AGBL4: variants seen among roughly 807,000 people sequenced by gnomAD.
The protein encoded by AGBL4 is AGBL carboxypeptidase 4.
AGBL4 carries 58 observed loss-of-function variants against 66.4 expected under a neutral mutation model. The observed-to-expected ratio is 0.87, with a 90% confidence interval of 0.71 to 1.09. The LOEUF (loss-of-function observed/expected upper bound fraction) is 1.09, where lower values mean the gene tolerates loss of function less well. Ranked by LOEUF, AGBL4 falls within the 50% of genes least tolerant of loss-of-function variation. The pLI, the probability that AGBL4 is intolerant of heterozygous loss-of-function variation, is 0.00. For missense variants in AGBL4, 579 were observed against 631.0 expected (o/e 0.92, Z 0.88); for synonymous variants, 234 against 222.9 (o/e 1.05, Z -0.44).
chr1:48,850,017 G>GATATTTGTCT (rs1646999181), intron 6 of AGBL4, among the ~76,000 whole-genome samples: 1 of 152,100 alleles, frequency 6.6e-6, no homozygotes, highest in Non-Finnish European at 1.5e-5. Flanking sequence ...AACAGTTTTT[G>GATATTTGTCT]ATATTTGTCT....
At chr1:49,741,509 C>T (rs1163406611) in intron 2 of AGBL4, among the ~76,000 whole-genome samples, 4 of 152,162 alleles carry the variant, frequency 2.6e-5, no homozygotes, top group Non-Finnish European at 5.9e-5. Flanking sequence ...GAAACTATTC[C>T]AATCAATAGA....
chr1:48,848,321 AT>A (rs1288015495), intron 6 of AGBL4, among the ~76,000 whole-genome samples: 1 of 152,128 alleles, frequency 6.6e-6, no homozygotes, highest in Non-Finnish European at 1.5e-5. Context: ...TAAATGACAT[AT>A]TTTTGCCACT....
chr1:49,179,666 C>G (rs1334942171), intron 4 of AGBL4, among the ~76,000 whole-genome samples: 1 of 151,760 alleles, frequency 6.6e-6, no homozygotes, highest in East Asian at 1.9e-4. Context: ...CAAGACAATA[C>G]TAGATAGACT....
At chr1:49,449,350 G>A (rs1205346117) in intron 3 of AGBL4, among the ~76,000 whole-genome samples, 2 of 151,986 alleles carry the variant, frequency 1.3e-5, no homozygotes, top group Non-Finnish European at 2.9e-5. Context: ...AGTGATATCT[G>A]ACATATAATT....
At chr1:49,837,026 T>C (rs971129484) in intron 2 of AGBL4, among the ~76,000 whole-genome samples, 2 of 152,302 alleles carry the variant, frequency 1.3e-5, no homozygotes, top group South Asian at 2.1e-4. Flanking sequence ...TCAGGAGTCA[T>C]GGGTGTCAGG....
chr1:49,972,429 A>G (rs943174748), intron 1 of AGBL4, among the ~76,000 whole-genome samples: 4 of 152,006 alleles, frequency 2.6e-5, no homozygotes, highest in African/African-American at 9.7e-5. Flanking sequence ...GGTATTTGAT[A>G]TTTTGTTTTC....
chr1:49,334,476 A>G (rs1284657258), intron 3 of AGBL4, among the ~76,000 whole-genome samples: 1 of 152,252 alleles, frequency 6.6e-6, no homozygotes, highest in Non-Finnish European at 1.5e-5. Flanking sequence ...AATCATTATT[A>G]TTAATGATAG....
chr1:49,940,497 T>C (rs947500813), intron 1 of AGBL4, among the ~76,000 whole-genome samples: 1 of 152,238 alleles, frequency 6.6e-6, no homozygotes, highest in Admixed American at 6.5e-5. Context: ...GTGGCACATA[T>C]ACACCATGGA....
chr1:48,940,297 GA>G (rs2148914245), intron 5 of AGBL4, among the ~76,000 whole-genome samples: 1 of 152,262 alleles, frequency 6.6e-6, no homozygotes, highest in Non-Finnish European at 1.5e-5. Context: ...AGAATTGCTT[GA>G]ACCCAGGAGG....
At chr1:48,984,973 A>C (rs1452086012) in intron 5 of AGBL4, among the ~76,000 whole-genome samples, 1 of 152,108 alleles carries the variant, frequency 6.6e-6, no homozygotes, top group Non-Finnish European at 1.5e-5. Flanking sequence ...AGTTTCCAGC[A>C]AGAGGGACTT....
At chr1:48,892,700 C>T (rs1444112098) in intron 5 of AGBL4, among the ~76,000 whole-genome samples, 2 of 152,178 alleles carry the variant, frequency 1.3e-5, no homozygotes, top group South Asian at 2.1e-4. Flanking sequence ...ACACATTTAT[C>T]TCAGTGAGCA....
At chr1:49,482,586 T>G (rs1186788260) in intron 3 of AGBL4, among the ~76,000 whole-genome samples, 1 of 151,860 alleles carries the variant, frequency 6.6e-6, no homozygotes, top group Non-Finnish European at 1.5e-5. Context: ...ATTTCTGGAT[T>G]CTTTGATGTT....
chr1:49,384,348 T>G (rs1344298213), intron 3 of AGBL4, among the ~76,000 whole-genome samples: 1 of 151,740 alleles, frequency 6.6e-6, no homozygotes, highest in African/African-American at 2.4e-5. Context: ...AATCCCAGCA[T>G]TTTGGGAGGT....
chr1:49,645,843 T>G (rs1389136831), intron 3 of AGBL4, among the ~76,000 whole-genome samples: 1 of 149,926 alleles, frequency 6.7e-6, no homozygotes, highest in African/African-American at 2.4e-5. Flanking sequence ...TGGCTAAGTA[T>G]GGAATGCAAA....
chr1:49,296,172 T>A (rs1169626779), intron 3 of AGBL4, among the ~76,000 whole-genome samples: 4 of 152,232 alleles, frequency 2.6e-5, no homozygotes, highest in Admixed American at 6.5e-5. Flanking sequence ...TTAGGCATTC[T>A]GGGTTTATCA....
At chr1:48,865,806 T>C (rs945015523) in intron 6 of AGBL4, among the ~76,000 whole-genome samples, 5 of 152,130 alleles carry the variant, frequency 3.3e-5, no homozygotes, top group Non-Finnish European at 7.4e-5. Flanking sequence ...GGACAGTGTA[T>C]TGTGGAGTAG....
chr1:48,805,511 A>G (rs1645903049), intron 6 of AGBL4, among the ~76,000 whole-genome samples: 1 of 152,152 alleles, frequency 6.6e-6, no homozygotes, highest in Non-Finnish European at 1.5e-5. Flanking sequence ...ATCATTTCCT[A>G]AGATTTCATA....
At chr1:49,805,026 T>C (rs901783051) in intron 2 of AGBL4, among the ~76,000 whole-genome samples, 1 of 152,122 alleles carries the variant, frequency 6.6e-6, no homozygotes, top group Admixed American at 6.6e-5. Flanking sequence ...TTAGATGAGA[T>C]AACCAAAGGG....
At chr1:49,191,961 C>A (rs1200306536) in intron 4 of AGBL4, among the ~76,000 whole-genome samples, 1 of 152,128 alleles carries the variant, frequency 6.6e-6, no homozygotes, top group Non-Finnish European at 1.5e-5. Context: ...AATTTACTTT[C>A]CTTTCATTAT....
Sources: gnomAD v4.1 joint callset for allele counts (sites outside exome capture counted in the v4.1 genomes callset) on GRCh38, gnomAD v4.1.1 for gene constraint, MANE v1.5 for transcripts, NCBI Gene and HGNC (gene_info 2026-07-23, HGNC 2026-07-21) for gene names.